The following PHACTR1 variants were observed in gnomAD, a reference collection of about 807,000 sequenced individuals.
The protein encoded by PHACTR1 is RPEL repeat containing 1.
Under a neutral mutation model 69.2 loss-of-function variants are expected in PHACTR1, and 16 were observed. That is an observed-to-expected ratio of 0.23 (90% CI 0.16 to 0.35). The LOEUF (loss-of-function observed/expected upper bound fraction) is 0.35. PHACTR1 is among the 10% of genes least tolerant of loss of function. The pLI is 1.00. For synonymous variants in PHACTR1, 312 were observed against 284.5 expected (o/e 1.10, Z -0.97); for missense variants, 510 against 734.7 (o/e 0.69, Z 3.54).
At chr6:12,959,275 T>A (rs1489546067) in intron 4 of PHACTR1, among the ~76,000 whole-genome samples, 1 of 151,492 alleles carries the variant, frequency 6.6e-6, no homozygotes, top group Non-Finnish European at 1.5e-5. Flanking sequence ...TATTTGTATA[T>A]CGGAATTAAA....
Position 13,179,737 on chromosome 6 carries a change from TAGATAGATAGAC to T in PHACTR1, c.497-2778_497-2767del, listed in dbSNP as rs879703804. Among the ~76,000 whole-genome samples, 507 of 130,372 alleles carry T rather than the reference TAGATAGATAGAC, an allele frequency of 3.9e-3. 1 individual carries two copies. The highest frequency in any genetic ancestry group is 5.2e-3 in the Non-Finnish European group (309 of 59,918). 85.5% of individuals were successfully genotyped at this position (130,372 alleles called of 152,430 possible). ...ATAGATAGATAGATAGATAGATAGA[TAGATAGATAGAC>T]AGAACAAGGTTATCAATATTAATGT... On this transcript the variant is annotated intron_variant, in intron 6 of 14. Coordinates refer to ENST00000332995, the MANE Select transcript of PHACTR1 (RefSeq NM_030948.6). This position sits in a 1 kb window ranked among gnomAD's most constrained non-coding sequence, Gnocchi z 4.2.
At chr6:13,033,968 G>C (rs911713474) in intron 4 of PHACTR1, among the ~76,000 whole-genome samples, 12 of 152,082 alleles carry the variant, frequency 7.9e-5, no homozygotes, top group Non-Finnish European at 1.6e-4. Context: ...CAATAGATGA[G>C]TGTGTGTCCC....
intron 10 of PHACTR1, among the ~76,000 whole-genome samples, chr6:13,270,982 T>A (rs967710771): frequency 2.0e-5 from 3 of 148,416 alleles, no homozygotes; most frequent in Admixed American, 1.3e-4. Flanking sequence ...AGAGAGAGAG[T>A]GAGCAGGGAG....
chr6:13,284,543 A>AAAAAATATATAT (rs1554187813), intron 13 of PHACTR1, among the ~76,000 whole-genome samples: 1 of 61,354 alleles, frequency 1.6e-5, no homozygotes, highest in African/African-American at 1.1e-4. Flanking sequence ...AAAAAAAAAA[A>AAAAAATATATAT]ATATATATAT....
At position 13,230,170 on chromosome 6, in the gene PHACTR1, A is replaced by G. The variant is rs762760306; in HGVS notation, c.1368A>G (p.Gln456=). ...QTDEERLELR[Q]QIGTKLTRRL... is the part of the protein sequence containing the mutation. ...ATGAGGAGCGGCTGGAGCTGAGGCAACAGATTGGCACCAAGCTCACCAGGT... is the reference window on the plus strand; with the variant it reads ...ATGAGGAGCGGCTGGAGCTGAGGCAGCAGATTGGCACCAAGCTCACCAGGT... Residue 456 remains glutamine, a synonymous_variant, in exon 10 of 15, where the codon CAA becomes CAG. Transcript: ENST00000332995. The G allele has an allele frequency of 1.9e-6, 3 of 1,610,730 alleles. No individual in the cohort carries two copies. The South Asian group carries it at 3.3e-5, about 18-fold the overall frequency.
intron 4 of PHACTR1, among the ~76,000 whole-genome samples, chr6:12,971,196 T>C (rs1794153579): frequency 6.6e-6 from 1 of 152,126 alleles, no homozygotes; most frequent in Non-Finnish European, 1.5e-5. Flanking sequence ...AAGAAACAAA[T>C]CAGGGTCCCT....
intron 5 of PHACTR1, among the ~76,000 whole-genome samples, chr6:13,068,189 C>T (rs908578148): frequency 2.0e-5 from 3 of 152,196 alleles, no homozygotes; most frequent in South Asian, 2.1e-4. Context: ...TAGTGGCGTG[C>T]GCCTGTAGTC....
intron 4 of PHACTR1, among the ~76,000 whole-genome samples, chr6:12,897,453 C>T (rs1293192747): frequency 6.6e-6 from 1 of 152,050 alleles, no homozygotes; most frequent in Non-Finnish European, 1.5e-5. Flanking sequence ...TAAACATGCC[C>T]AGTCTCTCCC....
intron 4 of PHACTR1, among the ~76,000 whole-genome samples, chr6:12,857,601 T>TAAA (rs11382310): frequency 3.8e-4 from 55 of 146,574 alleles, no homozygotes; most frequent in East Asian, 1.6e-3. Context: ...GACTCCATCT[T>TAAA]AAAAAAAAAA....
At position 13,287,221 on chromosome 6, in the gene PHACTR1, C is replaced by A; in HGVS notation, c.*143C>A. The A allele has an allele frequency of 1.1e-6, 1 of 899,810 alleles. No homozygotes were observed. Among genetic ancestry groups the A allele is most frequent in the South Asian group, 1.8e-5 (1 of 57,048 alleles). The allele number at this position is 899,810 out of a possible 1,614,324, so 55.7% of individuals were successfully genotyped here. On this transcript the variant is annotated 3_prime_UTR_variant, in exon 15 of 15. Coordinates refer to ENST00000332995, the MANE Select transcript of PHACTR1 (RefSeq NM_030948.6). ...TTAAAAAGAAGAAAAATCAAGGAAA[C>A]ACAATCAGGATTTTATGTGTGAAAA...
chr6:12,745,595 A>C (rs1765683324), intron 3 of PHACTR1, among the ~76,000 whole-genome samples: 1 of 152,250 alleles, frequency 6.6e-6, no homozygotes, highest in African/African-American at 2.4e-5. Context: ...ATGCAGAGTT[A>C]TATAAAATAG....
At chr6:12,779,099 G>A (rs1228641660) in intron 4 of PHACTR1, among the ~76,000 whole-genome samples, 1 of 152,226 alleles carries the variant, frequency 6.6e-6, no homozygotes, top group East Asian at 1.9e-4. Flanking sequence ...ACTTTGAGAG[G>A]CCGAGGCTGG....
intron 5 of PHACTR1, among the ~76,000 whole-genome samples, chr6:13,153,485 C>T (rs1757747396): frequency 6.6e-6 from 1 of 152,198 alleles, no homozygotes; most frequent in African/African-American, 2.4e-5. Context: ...TCTATAAAAG[C>T]AAAGCACAAT....
chr6:13,150,109 G>A (rs1006672045), intron 5 of PHACTR1, among the ~76,000 whole-genome samples: 1 of 152,124 alleles, frequency 6.6e-6, no homozygotes, highest in African/African-American at 2.4e-5. Flanking sequence ...CAGTTTGGAA[G>A]GCCGAGGCAG....
At chr6:12,911,733 A>G (rs12530250) in intron 4 of PHACTR1, among the ~76,000 whole-genome samples, 41,986 of 152,096 alleles carry the variant, frequency 0.28, 6,504 homozygotes, top group Middle Eastern at 0.37. Flanking sequence ...CAGTTTTGCT[A>G]TCTTTCAGGG....
At chr6:13,115,145 A>G (rs1817623926) in intron 5 of PHACTR1, among the ~76,000 whole-genome samples, 1 of 152,198 alleles carries the variant, frequency 6.6e-6, no homozygotes, top group Admixed American at 6.5e-5. Flanking sequence ...ACTGTATGAG[A>G]TCCTAACGTA....
At chr6:13,041,640 CACTTAA>C (rs1804194947) in intron 4 of PHACTR1, among the ~76,000 whole-genome samples, 1 of 152,152 alleles carries the variant, frequency 6.6e-6, no homozygotes, top group Non-Finnish European at 1.5e-5. Flanking sequence ...TATCATCCTA[CACTTAA>C]TAGGTAACAG....
intron 4 of PHACTR1, among the ~76,000 whole-genome samples, chr6:12,914,972 C>T (rs967980589): frequency 6.6e-6 from 1 of 152,186 alleles, no homozygotes; most frequent in Non-Finnish European, 1.5e-5. Flanking sequence ...AACTGGCCCT[C>T]TGTGATGAAG....
At chr6:12,979,072 G>A (rs1053815309) in intron 4 of PHACTR1, among the ~76,000 whole-genome samples, 4 of 152,140 alleles carry the variant, frequency 2.6e-5, no homozygotes, top group African/African-American at 9.7e-5. Context: ...AGAAGAAGCT[G>A]AAGAAGAGAG....
Sources: gnomAD v4.1 joint callset for allele counts (sites outside exome capture counted in the v4.1 genomes callset) on GRCh38, gnomAD v4.1.1 for gene constraint, Gnocchi (gnomAD v3.1) non-coding constraint, MANE v1.5 for transcripts, NCBI Gene and HGNC (gene_info 2026-07-23, HGNC 2026-07-21) for gene names.